Variants in SORCS2 observed in about 807,000 individuals in gnomAD.
The protein encoded by SORCS2 is VPS10 domain-containing receptor SorCS2.
In SORCS2, 100 loss-of-function variants were observed where a neutral mutation model predicts 141.6. That is an observed-to-expected ratio of 0.71 (90% confidence interval 0.60 to 0.83). SORCS2 has a LOEUF of 0.83. SORCS2 is among the 40% of genes least tolerant of loss of function. The pLI is 0.00. For synonymous variants in SORCS2, 789 were observed against 676.9 expected, an observed-to-expected ratio of 1.17 and a Z score of -2.57; for missense variants, 1,646 against 1,560.2, an observed-to-expected ratio of 1.05 and a Z score of -0.93.
chr4:7,695,258 AGATG>A (rs1724523515), intron 11 of SORCS2, among the ~76,000 whole-genome samples: 1 of 97,518 alleles, frequency 1.0e-5, no homozygotes, highest in Non-Finnish European at 2.0e-5. Context: ...GTGGATGGTT[AGATG>A]GATGGGTGGG....
At chr4:7,651,843 A>G (rs187206239) in intron 4 of SORCS2, among the ~76,000 whole-genome samples, 2 of 151,956 alleles carry the variant, frequency 1.3e-5, no homozygotes, top group African/African-American at 4.8e-5. Flanking sequence ...TGGGTTGGCC[A>G]CTCCTGGATT....
chr4:7,732,546 C>T (rs1284624502), intron 23 of SORCS2, among the ~76,000 whole-genome samples: 1 of 152,174 alleles, frequency 6.6e-6, no homozygotes, highest in Non-Finnish European at 1.5e-5. Flanking sequence ...CCCTGCATCC[C>T]TCACCCTACA....
rs1438011222 is a variant in SORCS2, at chr4:7,271,851, A to G, written c.480+78725A>G. Among the ~76,000 whole-genome samples the G allele has an allele frequency of 2.0e-5, 3 of 152,330 alleles. No individual in the cohort carries two copies. In the East Asian group the frequency reaches 5.8e-4, roughly 29 times the overall value. ...GCAGAGAGAGTGGGTGTTTGGGGGC[A>G]GGAAGGATGGGCCCTGGATGGGAGC... On this transcript the variant is annotated intron_variant, in intron 1 of 26. Coordinates refer to ENST00000507866, the MANE Select transcript of SORCS2 (RefSeq NM_020777.3).
chr4:7,480,506 G>C (rs1027821153), intron 2 of SORCS2, among the ~76,000 whole-genome samples: 1 of 152,240 alleles, frequency 6.6e-6, no homozygotes, highest in Non-Finnish European at 1.5e-5. Context: ...CGTGCTGGGA[G>C]TGCAGGCTGT....
intron 19 of SORCS2, among the ~76,000 whole-genome samples, chr4:7,724,334 TGGTGATGATGGTAAC>T (rs1726885548): frequency 1.2e-4 from 16 of 131,818 alleles, no homozygotes; most frequent in African/African-American, 4.5e-4. Flanking sequence ...GATAGGGTGA[TGGTGATGATGGTAAC>T]AGTAGTGGTA....
At chr4:7,263,908 G>A (rs867350) in intron 1 of SORCS2, among the ~76,000 whole-genome samples, 73,288 of 152,038 alleles carry the variant, frequency 0.48, 18,926 homozygotes, top group African/African-American at 0.67. Context: ...ACCGTGGGCC[G>A]TGGTGTTGGC....
chr4:7,334,270 C>G (rs914638108), intron 1 of SORCS2, among the ~76,000 whole-genome samples: 1 of 152,158 alleles, frequency 6.6e-6, no homozygotes, highest in Non-Finnish European at 1.5e-5. Context: ...AGCCCCTTCC[C>G]GCAGCAGCCA....
chr4:7,695,257 T>G lies in SORCS2; in HGVS notation c.1592-1941T>G, dbSNP rs572979036. 2.4e-5 allele frequency among the ~76,000 whole-genome samples: 3 copies of G among 123,124 alleles called. No homozygotes were observed. In the East Asian group the frequency reaches 7.7e-4, roughly 32 times the overall value. The allele number at this position is 123,124 out of a possible 152,430, so 80.8% of individuals were successfully genotyped here. ...ATGGATGAGTGGATGGGTGGATGGT[T>G]AGATGGATGGGTGGGTGGATGGATG... On this transcript the variant is annotated intron_variant, in intron 11 of 26. Transcript: ENST00000507866.
chr4:7,239,614 C>T lies in SORCS2; in HGVS notation c.480+46488C>T, dbSNP rs1279802395. 4.6e-5 allele frequency among the ~76,000 whole-genome samples: 7 copies of T among 152,146 alleles called. No homozygotes were observed. In the South Asian group the frequency reaches 1.3e-3, roughly 27 times the overall value. On this transcript the variant is annotated intron_variant, in intron 1 of 26. Transcript: ENST00000507866. The stretch of plus-strand genomic sequence containing the variant: ...GCTGGTTTGTTTGCTAAAACAGCCC[C>T]TGGGGAGCTGGGGCTGGGCCCGGCT...
chr4:7,726,401 C>T (rs1479954143), intron 20 of SORCS2, among the ~76,000 whole-genome samples: 5 of 152,098 alleles, frequency 3.3e-5, no homozygotes, highest in African/African-American at 4.8e-5. Context: ...GGTGAAACCC[C>T]GTCTCTACTA....
chr4:7,335,020 G>A (rs2108975167), intron 1 of SORCS2, among the ~76,000 whole-genome samples: 1 of 152,232 alleles, frequency 6.6e-6, no homozygotes, highest in Non-Finnish European at 1.5e-5. Flanking sequence ...CTGGGCCATG[G>A]GCTTTGAACC....
chr4:7,557,650 T>C (rs1452283940), intron 3 of SORCS2, among the ~76,000 whole-genome samples: 1 of 152,222 alleles, frequency 6.6e-6, no homozygotes, highest in Non-Finnish European at 1.5e-5. Flanking sequence ...CTCCAGTGCC[T>C]TTAAAAAGGA....
intron 2 of SORCS2, among the ~76,000 whole-genome samples, chr4:7,415,939 G>C (rs1376751868): frequency 6.6e-6 from 1 of 152,204 alleles, no homozygotes; most frequent in Non-Finnish European, 1.5e-5. Context: ...GTCTGAACTG[G>C]ACTTTGAAGG....
At chr4:7,305,390 A>G (rs1173292853) in intron 1 of SORCS2, among the ~76,000 whole-genome samples, 1 of 139,084 alleles carries the variant, frequency 7.2e-6, no homozygotes, top group East Asian at 2.1e-4. Context: ...TTGGAACACT[A>G]TTTCTATGGA....
chr4:7,307,400 C>T (rs895679342), intron 1 of SORCS2, among the ~76,000 whole-genome samples: 8 of 152,248 alleles, frequency 5.3e-5, no homozygotes, highest in African/African-American at 1.9e-4. Context: ...TGTCCCTTTT[C>T]CTACCATTGC....
rs1236994126 is a variant in SORCS2, at chr4:7,632,935, A to G, written c.649-5393A>G. 3.4e-4 allele frequency among the ~76,000 whole-genome samples: 52 copies of G among 152,300 alleles called. 1 individual carries two copies. The highest frequency in any genetic ancestry group is 3.4e-3 in the Admixed American group (52 of 15,292). ...CTTCCTGGAAAAGGTGCCCTTTGAA[A>G]TGAGTCTTGCAGAACAGGGTGCTCA... On this transcript the variant is annotated intron_variant, in intron 3 of 26. Transcript: ENST00000507866.
intron 1 of SORCS2, among the ~76,000 whole-genome samples, chr4:7,285,064 C>A (rs892625345): frequency 6.7e-6 from 1 of 148,988 alleles, no homozygotes; most frequent in Non-Finnish European, 1.5e-5. Flanking sequence ...TGGAGTTTCA[C>A]TCTTGTTGCC....
intron 1 of SORCS2, chr4:7,381,774 T>A (rs1187810458): frequency 3.4e-6 from 1 of 290,728 alleles, no homozygotes; most frequent in African/African-American, 2.3e-5. Context: ...CCAGCCCCAG[T>A]GCACAAACCC....
chr4:7,420,200 C>T (rs910868595), intron 2 of SORCS2, among the ~76,000 whole-genome samples: 1 of 152,202 alleles, frequency 6.6e-6, no homozygotes, highest in African/African-American at 2.4e-5. Flanking sequence ...TTGTGAACAC[C>T]CAGCTGGCCC....
Sources: allele counts gnomAD v4.1 joint callset (sites outside exome capture counted in the v4.1 genomes callset), GRCh38; gene constraint gnomAD v4.1.1; transcripts MANE v1.5; gene names NCBI Gene and HGNC (gene_info 2026-07-23, HGNC 2026-07-21).